The following GDPD5 variants were observed in gnomAD, a reference collection of about 807,000 sequenced individuals.
The protein encoded by GDPD5 is glycerophosphodiester phosphodiesterase domain containing 5, also known as glycerophosphodiester phosphodiesterase 2.
Under a neutral mutation model 75.1 loss-of-function variants are expected in GDPD5, and 48 were observed. The observed-to-expected ratio is 0.64, with a 90% CI of 0.51 to 0.81. The LOEUF is 0.81. Among genes scored for constraint, GDPD5 ranks in the 40% least tolerant of loss-of-function variants. The pLI is 0.00. For synonymous variants in GDPD5, 336 were observed against 339.0 expected, an observed-to-expected ratio of 0.99 and a Z score of 0.10; for missense variants, 706 against 822.6, an observed-to-expected ratio of 0.86 and a Z score of 1.73.
chr11:75,478,301 C>A (rs1949825105), intron 2 of GDPD5, among the ~76,000 whole-genome samples: 1 of 152,196 alleles, frequency 6.6e-6, no homozygotes, highest in Admixed American at 6.5e-5. Flanking sequence ...AGGTGCCCAC[C>A]ACATCTGGCT....
intron 6 of GDPD5, chr11:75,452,825 G>GT (rs1949197257): frequency 6.6e-6 from 1 of 152,368 alleles, no homozygotes; most frequent in Non-Finnish European, 1.5e-5. Flanking sequence ...CCTTGGGGCT[G>GT]TGTGGTACCC....
chr11:75,466,147 G>C (rs1489240357), intron 3 of GDPD5, among the ~76,000 whole-genome samples: 2 of 152,180 alleles, frequency 1.3e-5, no homozygotes. Context: ...ATGCAGGCAG[G>C]GCCTAAGCAA....
At chr11:75,449,190 C>T (rs1949064789) in intron 8 of GDPD5, 68 bp from the exon 9 acceptor site, 3 of 1,512,050 alleles carry the variant, frequency 2.0e-6, no homozygotes, top group Admixed American at 2.5e-5. Flanking sequence ...TGCTGGACCC[C>T]TCTACCCCCG....
At chr11:75,437,337 T>C in intron 15 of GDPD5, 1 of 420,980 alleles carries the variant, frequency 2.4e-6, no homozygotes, top group East Asian at 4.2e-5. Flanking sequence ...TCCCCAGTAA[T>C]GCACCTGGCT....
chr11:75,493,975 T>C (rs912317821), intron 1 of GDPD5, among the ~76,000 whole-genome samples: 4 of 152,184 alleles, frequency 2.6e-5, no homozygotes, highest in African/African-American at 9.6e-5. Context: ...ATTAATTCTT[T>C]AAATTTGCAA....
At chr11:75,475,115 A>G (rs1278282777) in intron 3 of GDPD5, among the ~76,000 whole-genome samples, 2 of 152,222 alleles carry the variant, frequency 1.3e-5, no homozygotes, top group African/African-American at 4.8e-5. Context: ...TACTCAATAA[A>G]TGTTAACAGA....
At chr11:75,484,951 G>C (rs1949993433) in intron 2 of GDPD5, among the ~76,000 whole-genome samples, 1 of 152,116 alleles carries the variant, frequency 6.6e-6, no homozygotes, top group Non-Finnish European at 1.5e-5. Flanking sequence ...ACATGGGCCT[G>C]AACGAATGGG....
rs182311988 is a variant in GDPD5, at chr11:75,493,051, G to T, written c.-144-2731C>A. Among the ~76,000 whole-genome samples, 8 of 152,178 alleles carry T rather than the reference G, an allele frequency of 5.3e-5. No individual in the cohort carries two copies. In the East Asian group the frequency reaches 1.5e-3, roughly 29 times the overall value. The stretch of plus-strand genomic sequence containing the variant: ...TGCAAATATAGGGTTTTAAATGAAT[G>T]AACAAATGCACATGAGTGAAACGAA... On this transcript the variant is annotated intron_variant, in intron 1 of 16. Transcript: ENST00000336898.
In GDPD5 at chr11:75,435,324, C is replaced by A. The variant is rs1948596675; in HGVS notation, c.*183G>T. On this transcript the variant is annotated 3_prime_UTR_variant, in exon 17 of 17. Coordinates refer to ENST00000336898, the MANE Select transcript of GDPD5 (RefSeq NM_030792.8). ...CATCTGAAAGGATGGAGTCCTGGCC[C>A]AGCTGGGCCTCAGGAGACAGGGAGT... 17 of 539,226 alleles carry A rather than the reference C, an allele frequency of 3.2e-5. No homozygotes were observed. The East Asian group carries it at 5.0e-4, about 16-fold the overall frequency. 33.4% of individuals were successfully genotyped at this position (539,226 alleles called of 1,614,324 possible).
chr11:75,518,400 A>G (rs1385678472), intron 1 of GDPD5, among the ~76,000 whole-genome samples: 1 of 152,190 alleles, frequency 6.6e-6, no homozygotes, highest in Non-Finnish European at 1.5e-5. Context: ...GTCTTGGGAC[A>G]CTGTGGGAGG....
At position 75,450,847 on chromosome 11, in the gene GDPD5, C is replaced by T. The variant is rs1448139618; in HGVS notation, c.376-864G>A. 3 of 151,686 alleles carry T rather than the reference C, an allele frequency of 2.0e-5. No homozygotes were observed. In the East Asian group the frequency reaches 5.8e-4, roughly 30 times the overall value. The allele number at this position is 151,686 out of a possible 1,614,324, so 9.4% of individuals were successfully genotyped here. ...CCGAAGCCCAGGTTGTGGCTCTCCT[C>T]CAAAGCCTCCCGCAGATCCCAGTCT... On this transcript the variant is annotated intron_variant, in intron 6 of 16. Coordinates refer to ENST00000336898, the MANE Select transcript of GDPD5 (RefSeq NM_030792.8).
At position 75,439,923 on chromosome 11, in the gene GDPD5, G is replaced by T. The variant is rs750865726; in HGVS notation, c.1512C>A (p.Asp504Glu). 2 of 1,614,044 alleles carry T rather than the reference G, an allele frequency of 1.2e-6. No individual in the cohort carries two copies. Among genetic ancestry groups the T allele is most frequent in the Admixed American group, 3.3e-5 (2 of 60,016 alleles). The change falls in exon 15 of 17, where the codon GAC becomes GAA. Residue 504 changes from aspartate (D) to glutamate (E), a missense_variant. Physicochemically the swap from Asp to Glu is conservative, Grantham distance 45. Coordinates refer to ENST00000336898, the MANE Select transcript of GDPD5 (RefSeq NM_030792.8). ...DEYCLMWVTA[D>E]LVSFTLIVGI... is the part of the protein sequence containing the mutation. ...CCACGATGAGGGTGAAGGAGACCAG[G>T]TCGGCAGTGACCCACATGAGACAGT...
intron 1 of GDPD5, among the ~76,000 whole-genome samples, chr11:75,521,853 G>A (rs575948243): frequency 6.6e-6 from 1 of 152,240 alleles, no homozygotes; most frequent in South Asian, 2.1e-4. Context: ...AGGAGACAGT[G>A]CAGAGCAATG....
intron 4 of GDPD5, among the ~76,000 whole-genome samples, chr11:75,458,445 G>A (rs1949339507): frequency 6.6e-6 from 1 of 152,174 alleles, no homozygotes; most frequent in African/African-American, 2.4e-5. Flanking sequence ...GGCTGAGGCG[G>A]GCGGATCACG....
chr11:75,490,924 G>T (rs765488790), intron 1 of GDPD5, among the ~76,000 whole-genome samples: 3 of 152,230 alleles, frequency 2.0e-5, no homozygotes, highest in African/African-American at 7.2e-5. Flanking sequence ...AAGCAGAGGG[G>T]CCAGGAGAGG....
chr11:75,515,222 G>A (rs1021953352), intron 1 of GDPD5, among the ~76,000 whole-genome samples: 5 of 152,208 alleles, frequency 3.3e-5, no homozygotes, highest in African/African-American at 1.2e-4. Context: ...AGCTGTAAAG[G>A]GCTCTGTGTC....
intron 1 of GDPD5, among the ~76,000 whole-genome samples, chr11:75,495,877 A>G (rs117626596): frequency 0.013 from 1,952 of 152,318 alleles, 30 homozygotes; most frequent in Non-Finnish European, 0.019. Flanking sequence ...CACATCTGTG[A>G]GCAACTGCTT....
intron 2 of GDPD5, among the ~76,000 whole-genome samples, chr11:75,485,969 CG>C (rs1174495455): frequency 6.6e-6 from 1 of 152,174 alleles, no homozygotes; most frequent in African/African-American, 2.4e-5. Flanking sequence ...GCTGCCCTCG[CG>C]GGGCCTCAAC....
chr11:75,477,194 A>C (rs1476348038), intron 3 of GDPD5, among the ~76,000 whole-genome samples: 1 of 152,120 alleles, frequency 6.6e-6, no homozygotes, highest in Non-Finnish European at 1.5e-5. Context: ...GGCTCAGGTG[A>C]CTGAGCCCCG....
Sources: gnomAD v4.1 joint callset for allele counts (sites outside exome capture counted in the v4.1 genomes callset) on GRCh38, gnomAD v4.1.1 for gene constraint, MANE v1.5 for transcripts, NCBI Gene and HGNC (gene_info 2026-07-23, HGNC 2026-07-21) for gene names.